The following ASCC3 variants were observed in gnomAD, a reference collection of about 807,000 sequenced individuals.
ASCC3 encodes ASC-1 complex subunit P200.
Under a neutral mutation model 256.3 loss-of-function variants are expected in ASCC3, and 158 were observed. The observed-to-expected ratio is 0.62, with a 90% CI of 0.54 to 0.70. The LOEUF is 0.70. Ranked by LOEUF, ASCC3 falls within the 30% of genes least tolerant of loss-of-function variation. The pLI is 0.00. For synonymous variants in ASCC3, 948 were observed against 883.4 expected (o/e 1.07, Z -1.30); for missense variants, 2,259 against 2,626.0 (o/e 0.86, Z 3.05).
chr6:100,599,252 A>C (rs1354357612), intron 34 of ASCC3, among the ~76,000 whole-genome samples: 5 of 152,202 alleles, frequency 3.3e-5, no homozygotes, highest in African/African-American at 9.6e-5. Flanking sequence ...GAAGAACACA[A>C]TATCATTTCT....
At chr6:100,699,679 A>G (rs1778261225) in intron 13 of ASCC3, among the ~76,000 whole-genome samples, 1 of 152,166 alleles carries the variant, frequency 6.6e-6, no homozygotes, top group Admixed American at 6.5e-5. Context: ...AGACTTGTTG[A>G]ATGGCTTTGA....
At chr6:100,723,174 T>A (rs1779427805) in intron 11 of ASCC3, among the ~76,000 whole-genome samples, 1 of 151,728 alleles carries the variant, frequency 6.6e-6, no homozygotes, top group African/African-American at 2.4e-5. Flanking sequence ...TCTCAATAAT[T>A]TTTTCTACTG....
intron 30 of ASCC3, among the ~76,000 whole-genome samples, chr6:100,623,211 T>A (rs1000359651): frequency 6.6e-6 from 1 of 152,120 alleles, no homozygotes; most frequent in Admixed American, 6.6e-5. Context: ...GATAAAAAAA[T>A]CTTTTATCAA....
intron 36 of ASCC3, among the ~76,000 whole-genome samples, chr6:100,585,127 G>C (rs1771574780): frequency 6.6e-6 from 1 of 152,136 alleles, no homozygotes; most frequent in African/African-American, 2.4e-5. Flanking sequence ...ATGTTGGCCT[G>C]CCTTGCTAGA....
intron 30 of ASCC3, 102 bp from the exon 31 acceptor site, chr6:100,607,190 T>C: frequency 8.0e-7 from 1 of 1,253,260 alleles, no homozygotes; most frequent in Non-Finnish European, 1.1e-6. Context: ...TATGTTATTA[T>C]ATGGACATAA....
At chr6:100,669,832 GA>G (rs1207876915) in intron 14 of ASCC3, among the ~76,000 whole-genome samples, 1 of 151,672 alleles carries the variant, frequency 6.6e-6, no homozygotes, top group Non-Finnish European at 1.5e-5. Flanking sequence ...ACAGTATTTA[GA>G]AAAAGATGAT....
chr6:100,818,489 C>T (rs982078329), intron 4 of ASCC3, among the ~76,000 whole-genome samples: 1 of 150,968 alleles, frequency 6.6e-6, no homozygotes, highest in African/African-American at 2.4e-5. Context: ...ACCGCTTGAA[C>T]CCAGGAGGCA....
At chr6:100,530,553 C>T in intron 37 of ASCC3, 1 of 784,540 alleles carries the variant, frequency 1.3e-6, no homozygotes, top group Non-Finnish European at 2.4e-6. Context: ...CTGTGATGGC[C>T]TGGCACTCAA....
chr6:100,834,844 G>A (rs1771797167), intron 4 of ASCC3, among the ~76,000 whole-genome samples: 1 of 152,142 alleles, frequency 6.6e-6, no homozygotes, highest in South Asian at 2.1e-4. Flanking sequence ...AAGAGATCGG[G>A]CTGTATTATT....
intron 1 of ASCC3, among the ~76,000 whole-genome samples, chr6:100,878,653 T>C (rs1441485813): frequency 6.6e-6 from 1 of 152,220 alleles, no homozygotes; most frequent in Non-Finnish European, 1.5e-5. Flanking sequence ...GCACAGATTA[T>C]GTCTGAAAGA....
At chr6:100,830,907 T>G (rs752299431) in intron 4 of ASCC3, among the ~76,000 whole-genome samples, 29 of 152,214 alleles carry the variant, frequency 1.9e-4, no homozygotes, top group Non-Finnish European at 3.1e-4. Context: ...GTATGATTTC[T>G]TGGTTTTGTT....
At chr6:100,801,087 A>T (rs1003182770) in intron 5 of ASCC3, among the ~76,000 whole-genome samples, 1 of 152,082 alleles carries the variant, frequency 6.6e-6, no homozygotes. Flanking sequence ...CAGTTTTTTA[A>T]AAAATGGAAA....
chr6:100,780,953 C>A (rs1429778585), intron 8 of ASCC3, among the ~76,000 whole-genome samples: 1 of 152,132 alleles, frequency 6.6e-6, no homozygotes, highest in African/African-American at 2.4e-5. Context: ...CACTTGTATT[C>A]CCTAAAGTGC....
intron 12 of ASCC3, among the ~76,000 whole-genome samples, chr6:100,717,051 A>G (rs1779118600): frequency 6.6e-6 from 1 of 151,964 alleles, no homozygotes; most frequent in Non-Finnish European, 1.5e-5. Context: ...AGCACTTGAA[A>G]CAATTATGAA....
chr6:100,827,992 C>T (rs1233425893), intron 4 of ASCC3, among the ~76,000 whole-genome samples: 3 of 149,378 alleles, frequency 2.0e-5, no homozygotes, highest in African/African-American at 4.9e-5. Flanking sequence ...TATTAAACAA[C>T]TTAAACTTTA....
intron 36 of ASCC3, among the ~76,000 whole-genome samples, chr6:100,546,614 C>G (rs991866533): frequency 6.6e-6 from 1 of 152,056 alleles, no homozygotes; most frequent in Non-Finnish European, 1.5e-5. Flanking sequence ...CAACCAACAT[C>G]ATTTAGTTGC....
intron 37 of ASCC3, among the ~76,000 whole-genome samples, chr6:100,521,297 C>A (rs1281602568): frequency 6.6e-6 from 1 of 152,044 alleles, no homozygotes; most frequent in Non-Finnish European, 1.5e-5. Context: ...CAAAGTGCTT[C>A]CTTTAAGTGA....
rs181686949 is a variant in ASCC3, at chr6:100,547,402, T to C, written c.5551-7015A>G. On this transcript the variant is annotated intron_variant, in intron 36 of 41. Transcript: ENST00000369162. The stretch of plus-strand genomic sequence containing the variant: ...CATCATCAAGATTTAAAATATATTG[T>C]TAAAATACTAAAAATAAAAGCCACA... 4.4e-3 allele frequency among the ~76,000 whole-genome samples: 662 copies of C among 152,030 alleles called. 5 individuals carry two copies. The highest frequency in any genetic ancestry group is 0.015 in the African/African-American group (642 of 41,498).
Position 100,529,434 on chromosome 6 carries a change from T to G in ASCC3, c.5775+10729A>C, listed in dbSNP as rs1582394736. On this transcript the variant is annotated intron_variant, in intron 37 of 41. Coordinates refer to ENST00000369162, the MANE Select transcript of ASCC3 (RefSeq NM_006828.4). ...GGCAAACACCCTACCAACTGGACAC[T>G]GTAGAGTGATATAATAAAGCAGTTA... Among the ~76,000 whole-genome samples the G allele has an allele frequency of 2.6e-5, 4 of 152,146 alleles. No individual in the cohort carries two copies. The East Asian group carries it at 7.7e-4, about 29-fold the overall frequency.
Sources: allele counts gnomAD v4.1 joint callset (sites outside exome capture counted in the v4.1 genomes callset), GRCh38; gene constraint gnomAD v4.1.1; transcripts MANE v1.5; gene names NCBI Gene and HGNC (gene_info 2026-07-23, HGNC 2026-07-21).